Variants in RGSL1 observed in about 807,000 individuals in gnomAD.
The protein encoded by RGSL1 is regulator of G protein signaling like 1.
In RGSL1, 97 loss-of-function variants were observed where a neutral mutation model predicts 124.7. The ratio of observed to expected loss-of-function variants is 0.78; its 90% CI spans 0.66 to 0.92. The LOEUF (loss-of-function observed/expected upper bound fraction) is 0.92. Ranked by LOEUF, RGSL1 falls within the 40% of genes least tolerant of loss-of-function variation. The pLI, the probability that RGSL1 is intolerant of heterozygous loss-of-function variation, is 0.00. For synonymous variants in RGSL1, 424 were observed against 438.1 expected (o/e 0.97, Z 0.40); for missense variants, 1,233 against 1,288.4 (o/e 0.96, Z 0.66).
At chr1:182,450,577 G>A in intron 1 of RGSL1, 1 of 247,002 alleles carries the variant, frequency 4.0e-6, no homozygotes, top group Non-Finnish European at 8.1e-6. Flanking sequence ...GGCAGAACAG[G>A]TAAGAAGGAA....
At chr1:182,451,505 A>G (rs17464296) in intron 1 of RGSL1, among the ~76,000 whole-genome samples, 16,187 of 147,582 alleles carry the variant, frequency 0.11, 1,458 homozygotes, top group Admixed American at 0.2. Flanking sequence ...CATTTGAAGC[A>G]ATGGGAATAT....
chr1:182,509,855 G>C (rs1403273251), intron 9 of RGSL1, among the ~76,000 whole-genome samples: 264 of 128,522 alleles, frequency 2.1e-3, no homozygotes, highest in African/African-American at 4.3e-3. Context: ...GGTGGCTGCC[G>C]GGCGGAGACG....
chr1:182,541,975 T>G (rs1571695596), intron 15 of RGSL1, among the ~76,000 whole-genome samples: 1 of 152,216 alleles, frequency 6.6e-6, no homozygotes, highest in African/African-American at 2.4e-5. Flanking sequence ...ATTCTGGTTA[T>G]TAATCTCTTG....
intron 14 of RGSL1, 75 bp from the exon 15 acceptor site, chr1:182,540,172 T>G: frequency 7.2e-7 from 1 of 1,382,866 alleles, no homozygotes; most frequent in Non-Finnish European, 9.6e-7. Flanking sequence ...CCTTTCTTCT[T>G]TTTGTTATGC....
At chr1:182,532,560 T>A (rs1659249577) in intron 13 of RGSL1, 102 bp from the exon 14 acceptor site, 1 of 1,108,188 alleles carries the variant, frequency 9.0e-7, no homozygotes. Context: ...GGAGGTGTTG[T>A]GAGGATTAAA....
At chr1:182,530,716 A>G (rs1174742849) in intron 12 of RGSL1, 74 bp from the exon 13 acceptor site, 22 of 1,425,070 alleles carry the variant, frequency 1.5e-5, no homozygotes, top group Non-Finnish European at 1.9e-5. Flanking sequence ...AAGCTGAGGT[A>G]GGTTTGCCTG....
intron 9 of RGSL1, among the ~76,000 whole-genome samples, chr1:182,499,651 T>C (rs545699748): frequency 1.3e-5 from 2 of 152,338 alleles, no homozygotes; most frequent in Non-Finnish European, 2.9e-5. Flanking sequence ...TGCCTTTTAA[T>C]TGGGACATTT....
intron 4 of RGSL1, among the ~76,000 whole-genome samples, 185 bp downstream of exon 4, chr1:182,460,318 C>T (rs1652715621): frequency 6.6e-6 from 1 of 152,042 alleles, no homozygotes; most frequent in South Asian, 2.1e-4. Context: ...CAAATACTGG[C>T]TGAATTTATA....
At position 182,468,515 on chromosome 1, in the gene RGSL1, G is replaced by A. The variant is rs542052356; in HGVS notation, c.302-3881G>A. On this transcript the variant is annotated intron_variant, in intron 4 of 21. Transcript: ENST00000294854. ...TGTCATTCTCAGCAAACTATCGCAA[G>A]GACAAAAAACCAAACACCGCATGTT... 5.1e-4 allele frequency among the ~76,000 whole-genome samples: 78 copies of A among 152,132 alleles called. 1 individual carries two copies. The highest frequency in any genetic ancestry group is 3.4e-3 in the Middle Eastern group (1 of 292).
rs562275137 is a variant in RGSL1, at chr1:182,489,594, C to T, written c.1717+392C>T. On this transcript the variant is annotated intron_variant, in intron 8 of 21. Transcript: ENST00000294854. ...CATTTCCTCCAGAATAGGGTCCAAG[C>T]GCATTTCTGTGAACATATTTTACAG... Among the ~76,000 whole-genome samples the T allele has an allele frequency of 3.9e-5, 6 of 152,310 alleles. No homozygotes were observed. In the East Asian group the frequency reaches 5.8e-4, roughly 15 times the overall value.
chr1:182,462,360 G>C (rs1483686419), intron 4 of RGSL1, among the ~76,000 whole-genome samples: 1 of 152,016 alleles, frequency 6.6e-6, no homozygotes, highest in Non-Finnish European at 1.5e-5. Flanking sequence ...AGTCCTGCAG[G>C]GTGAAATGAA....
At chr1:182,508,016 T>A (rs549931942) in intron 9 of RGSL1, among the ~76,000 whole-genome samples, 42 of 152,110 alleles carry the variant, frequency 2.8e-4, no homozygotes, top group Non-Finnish European at 5.1e-4. Context: ...TTTTGATATG[T>A]TGATTTTCTT....
At chr1:182,526,927 A>T (rs1346852701) in intron 10 of RGSL1, among the ~76,000 whole-genome samples, 1 of 152,248 alleles carries the variant, frequency 6.6e-6, no homozygotes, top group East Asian at 1.9e-4. Context: ...AAGTAGGTCA[A>T]GATGTGGGTA....
intron 6 of RGSL1, among the ~76,000 whole-genome samples, chr1:182,487,661 C>T (rs1248289767): frequency 1.3e-5 from 2 of 152,174 alleles, no homozygotes; most frequent in South Asian, 2.1e-4. Context: ...CTGCTGTTCA[C>T]GCTGGAAGCT....
intron 6 of RGSL1, among the ~76,000 whole-genome samples, chr1:182,479,057 TCAC>T (rs955277453): frequency 1.4e-4 from 21 of 152,148 alleles, no homozygotes; most frequent in African/African-American, 4.8e-4. Flanking sequence ...TATGAGTTTG[TCAC>T]CACTAGACCT....
At chr1:182,503,161 C>G (rs960965089) in intron 9 of RGSL1, among the ~76,000 whole-genome samples, 2 of 152,094 alleles carry the variant, frequency 1.3e-5, no homozygotes, top group African/African-American at 2.4e-5. Context: ...CTAGGTATAC[C>G]CAAAAGAAAG....
intron 14 of RGSL1, among the ~76,000 whole-genome samples, chr1:182,533,861 C>A (rs537505737): frequency 6.6e-6 from 1 of 152,132 alleles, no homozygotes; most frequent in African/African-American, 2.4e-5. Flanking sequence ...TAGAAAATGA[C>A]ATAAAGTTGA....
intron 9 of RGSL1, among the ~76,000 whole-genome samples, chr1:182,506,942 T>C (rs1656850557): frequency 6.6e-6 from 1 of 152,002 alleles, no homozygotes; most frequent in African/African-American, 2.4e-5. Context: ...ATACAATAGA[T>C]TGTTGTAAGC....
In RGSL1 at chr1:182,469,068, A is replaced by G. The variant is rs1326450051; in HGVS notation, c.302-3328A>G. On this transcript the variant is annotated intron_variant, in intron 4 of 21. Transcript: ENST00000294854. ...TTTAAGGCATAAAACTATAAAACTC[A>G]TGAAAAAACTTATGGAGGACAAAAT... 3.3e-5 allele frequency among the ~76,000 whole-genome samples: 5 copies of G among 152,118 alleles called. No homozygotes were observed. The East Asian group carries it at 7.7e-4, about 23-fold the overall frequency.
Sources: gnomAD v4.1 joint callset for allele counts (sites outside exome capture counted in the v4.1 genomes callset) on GRCh38, gnomAD v4.1.1 for gene constraint, MANE v1.5 for transcripts, NCBI Gene and HGNC (gene_info 2026-07-23, HGNC 2026-07-21) for gene names.